MCF2: variants seen among roughly 807,000 people sequenced by gnomAD.
The protein encoded by MCF2 is proto-oncogene DBL.
Under a neutral mutation model 82.5 loss-of-function variants are expected in MCF2, and 44 were observed. The observed-to-expected ratio is 0.53, with a 90% CI of 0.42 to 0.69. The LOEUF (loss-of-function observed/expected upper bound fraction) is 0.69. Among genes scored for constraint, MCF2 ranks in the 30% least tolerant of loss-of-function variants. The pLI, the probability that MCF2 is intolerant of heterozygous loss-of-function variation, is 0.00. For missense variants in MCF2, 623 were observed against 663.1 expected (o/e 0.94, Z 0.66); for synonymous variants, 217 against 224.9 (o/e 0.96, Z 0.32).
chrX:139,641,102 G>A (rs1033919090), intron 1 of MCF2, among the ~76,000 whole-genome samples: 3 of 108,410 alleles, frequency 2.8e-5, no homozygotes, highest in Non-Finnish European at 5.7e-5. Flanking sequence ...GAGTACCCCT[G>A]TGCTGTATTT....
intron 24 of MCF2, among the ~76,000 whole-genome samples, chrX:139,584,128 C>CATTT (rs1184841644): frequency 6.9e-5 from 5 of 72,643 alleles, no homozygotes; most frequent in African/African-American, 2.8e-4. Context: ...TGCCATTATC[C>CATTT]TTTTTTTTTT....
chrX:139,602,721 C>T (rs1398082251), intron 15 of MCF2, among the ~76,000 whole-genome samples: 3 of 112,161 alleles, frequency 2.7e-5, no homozygotes, highest in Admixed American at 9.4e-5. Context: ...AGAGCTTCCA[C>T]TTGCCAAGCT....
chrX:139,586,430 A>G, exon 23 of MCF2: 3 of 1,210,277 alleles, frequency 2.5e-6, no homozygotes, highest in Non-Finnish European at 3.4e-6. Context: ...CCTCCACCAC[A>G]GTGCTGGTGT....
chrX:139,657,044 C>A (rs1436129593), intron 1 of MCF2, among the ~76,000 whole-genome samples: 2 of 111,645 alleles, frequency 1.8e-5, no homozygotes, highest in Non-Finnish European at 3.8e-5. Flanking sequence ...ACTTAGAAGC[C>A]AAATAAAGGG....
intron 15 of MCF2, among the ~76,000 whole-genome samples, chrX:139,603,725 CT>C (rs1930747837): frequency 9.0e-6 from 1 of 110,933 alleles, no homozygotes; most frequent in Non-Finnish European, 1.9e-5. Context: ...GTCCCAGCTA[CT>C]CGGGAGGCTG....
chrX:139,614,533 GTGTGTGTGCA>G (rs1931748632), intron 10 of MCF2, among the ~76,000 whole-genome samples: 2 of 76,937 alleles, frequency 2.6e-5, no homozygotes, highest in South Asian at 1.1e-3. Context: ...GTGTGTGTGT[GTGTGTGTGCA>G]TGCACACATG....
At chrX:139,653,071 T>C (rs1236331351) in intron 1 of MCF2, among the ~76,000 whole-genome samples, 1 of 112,136 alleles carries the variant, frequency 8.9e-6, no homozygotes, top group Non-Finnish European at 1.9e-5. Context: ...TAATTTTATA[T>C]ATTTAGACTC....
chrX:139,693,957 T>C (rs1935330644), intron 1 of MCF2, among the ~76,000 whole-genome samples: 1 of 112,265 alleles, frequency 8.9e-6, no homozygotes, highest in Non-Finnish European at 1.9e-5. Flanking sequence ...TATTTATTGT[T>C]TGATCCCTTA....
chrX:139,625,066 C>T (rs1018506297), intron 6 of MCF2, among the ~76,000 whole-genome samples: 8 of 110,536 alleles, frequency 7.2e-5, no homozygotes, highest in Non-Finnish European at 1.3e-4. Context: ...TATGTTTCTA[C>T]GTGTTTTTTT....
intron 1 of MCF2, among the ~76,000 whole-genome samples, chrX:139,677,555 T>C (rs1333290130): frequency 2.7e-5 from 3 of 111,692 alleles, no homozygotes; most frequent in South Asian, 3.8e-4. Flanking sequence ...ATTACCACTA[T>C]AGTTCTGCAA....
intron 1 of MCF2, among the ~76,000 whole-genome samples, chrX:139,680,444 G>A (rs941943210): frequency 4.5e-5 from 5 of 111,873 alleles, no homozygotes; most frequent in African/African-American, 1.6e-4. Flanking sequence ...AGAAATGTGG[G>A]GAAAAGGCAC....
rs911042155 is a variant in MCF2, at chrX:139,602,430, C to T, written c.1812G>A (p.Lys604=). Residue 604 remains lysine (K), a synonymous_variant, in exon 16 of 25, where the codon AAG becomes AAA. Coordinates refer to ENST00000370576, the Ensembl canonical transcript of MCF2. ...CCTGGAAAAATGCGCATTCTGAATACTTCCTCCAAATTGTTTCTGATCTGG... is the reference window on the plus strand; with the variant it reads ...CCTGGAAAAATGCGCATTCTGAATATTTCCTCCAAATTGTTTCTGATCTGG... The T allele has an allele frequency of 1.2e-5, 14 of 1,201,113 alleles. No individual in the cohort carries two copies. In the Admixed American group the frequency reaches 1.3e-4, roughly 11 times the overall value.
At chrX:139,682,097 G>C (rs914555875) in intron 1 of MCF2, among the ~76,000 whole-genome samples, 1 of 111,530 alleles carries the variant, frequency 9.0e-6, no homozygotes, top group Non-Finnish European at 1.9e-5. Flanking sequence ...GGAGAAATAA[G>C]GGGAAGAACC....
chrX:139,636,825 G>A (rs148351599), intron 1 of MCF2, among the ~76,000 whole-genome samples: 91 of 111,873 alleles, frequency 8.1e-4, no homozygotes, highest in Non-Finnish European at 1.5e-3. Flanking sequence ...TATGTTGGAT[G>A]TTTATTAAAC....
In MCF2 at chrX:139,591,540, T is replaced by G. The variant is rs1929519301; in HGVS notation, c.2278-1613A>C. Among the ~76,000 whole-genome samples the G allele has an allele frequency of 1.8e-5, 2 of 111,041 alleles. 1 individual carries two copies. Among genetic ancestry groups the G allele is most frequent in the Middle Eastern group, 8.5e-3 (2 of 236 alleles). ...CTAAGGAATCTGAAGGACTCGAATC[T>G]CCCCATCTGGTCAACTTTGACTTTA... On this transcript the variant is annotated intron_variant, in intron 19 of 24. Coordinates refer to ENST00000370576, the Ensembl canonical transcript of MCF2.
At chrX:139,659,583 T>C (rs979076959) in intron 1 of MCF2, among the ~76,000 whole-genome samples, 1 of 111,154 alleles carries the variant, frequency 9.0e-6, no homozygotes, top group African/African-American at 3.3e-5. Flanking sequence ...CTCTCTGGGG[T>C]TTCTATTCAT....
upstream of MCF2, chrX:139,646,890 C>T (rs1392830585): frequency 8.8e-7 from 1 of 1,137,396 alleles, no homozygotes. Context: ...AAGCATTGTC[C>T]TTTCCCCGGC....
intron 20 of MCF2, among the ~76,000 whole-genome samples, chrX:139,588,851 G>A (rs980682349): frequency 7.4e-5 from 8 of 108,761 alleles, no homozygotes; most frequent in African/African-American, 2.7e-4. Context: ...AATCGCTTGA[G>A]CCTGGGAGGC....
intron 1 of MCF2, among the ~76,000 whole-genome samples, chrX:139,658,903 C>T (rs1308635529): frequency 9.1e-6 from 1 of 109,989 alleles, no homozygotes; most frequent in Non-Finnish European, 1.9e-5. Context: ...AGGCTGGTCT[C>T]GAACTCTGGG....
Sources: allele counts gnomAD v4.1 joint callset (sites outside exome capture counted in the v4.1 genomes callset), GRCh38; gene constraint gnomAD v4.1.1; transcripts MANE v1.5; gene names NCBI Gene and HGNC (gene_info 2026-07-23, HGNC 2026-07-21).